The following FOXRED1 variants were observed in gnomAD, a reference collection of about 807,000 sequenced individuals.
The protein encoded by FOXRED1 is FAD dependent oxidoreductase domain containing 1.
FOXRED1 carries 52 observed loss-of-function variants against 57.8 expected under a neutral mutation model. The ratio of observed to expected loss-of-function variants is 0.90; its 90% CI spans 0.72 to 1.13. The LOEUF is 1.13. FOXRED1 is among the 50% of genes most tolerant of loss of function. The pLI is 0.00. For missense variants in FOXRED1, 589 were observed against 625.2 expected (o/e 0.94, Z 0.62); for synonymous variants, 271 against 248.3 (o/e 1.09, Z -0.86).
chr11:126,273,692 C>T lies in FOXRED1; in HGVS notation c.536+238C>T, dbSNP rs927409705. On this transcript the variant is annotated intron_variant, in intron 4 of 10. Transcript: ENST00000263578. This position sits in a 1 kb window ranked among gnomAD's most constrained non-coding sequence, Gnocchi z 5.9. ...GTCAGATCATGAAAACCACCTGGAA[C>T]ACATCCCAGACCTAATAAACCAGAA... The T allele has an allele frequency of 5.5e-6, 3 of 547,214 alleles. No homozygotes were observed. In the African/African-American group the frequency reaches 5.6e-5, roughly 10 times the overall value. The allele number at this position is 547,214 out of a possible 1,614,324, so 33.9% of individuals were successfully genotyped here. A position where few individuals can be genotyped will look rare whatever the true frequency, so the allele number is the denominator to read the frequency against.
At chr11:126,276,939 A>G (rs1951169091) in intron 9 of FOXRED1, 132 bp from the exon 10 acceptor site, 7 of 731,288 alleles carry the variant, frequency 9.6e-6, no homozygotes. Context: ...GTTAATTGAT[A>G]TTAGAGCCCC....
At position 126,275,568 on chromosome 11, in the gene FOXRED1, C is replaced by T. The variant is rs779893919; in HGVS notation, c.733+140C>T. On this transcript the variant is annotated intron_variant, in intron 6 of 10. Coordinates refer to ENST00000263578, the MANE Select transcript of FOXRED1 (RefSeq NM_017547.4). This position sits in a 1 kb window ranked among gnomAD's most constrained non-coding sequence, Gnocchi z 5.9. ...GGTCCTAGGCATCTTGACCTGGGCT[C>T]CTCACTGATCTGCGTTGTGACTTGT... 112 of 744,586 alleles carry T rather than the reference C, an allele frequency of 1.5e-4. No homozygotes were observed. The highest frequency in any genetic ancestry group is 2.5e-4 in the Non-Finnish European group (102 of 413,552). The allele number at this position is 744,586 out of a possible 1,614,324, so 46.1% of individuals were successfully genotyped here. A position where few individuals can be genotyped will look rare whatever the true frequency, so the allele number is the denominator to read the frequency against.
rs113860208 is a variant in FOXRED1, at chr11:126,271,011, G to A, written c.86-426G>A. On this transcript the variant is annotated intron_variant, in intron 1 of 10. Coordinates refer to ENST00000263578, the MANE Select transcript of FOXRED1 (RefSeq NM_017547.4). The surrounding 1 kb of genome is among the most constrained non-coding windows in gnomAD (Gnocchi z 5.3). ...GGATATAAATGTAGGTTTGGTGGTG[G>A]TGATGGATATCCAGGATAAGCATGG... 455 of 260,134 alleles carry A rather than the reference G, an allele frequency of 1.7e-3. 3 individuals are homozygous for A. The highest frequency in any genetic ancestry group is 9.7e-3 in the African/African-American group (435 of 44,644). The allele number at this position is 260,134 out of a possible 1,614,324, so 16.1% of individuals were successfully genotyped here.
chr11:126,271,329 G>C lies in FOXRED1; in HGVS notation c.86-108G>C, dbSNP rs1036176739. The C allele has an allele frequency of 2.3e-5, 19 of 815,146 alleles. No homozygotes were observed. Among genetic ancestry groups the C allele is most frequent in the Admixed American group, 2.2e-4 (12 of 54,968 alleles). 50.5% of individuals were successfully genotyped at this position (815,146 alleles called of 1,614,324 possible). ...ATGAGATGGGCTGACAGTGGGGACT[G>C]CCAACTCATGTGTCTGTTTAGCTCA... is the stretch of plus-strand genomic sequence containing the variant. On this transcript the variant is annotated intron_variant, in intron 1 of 10. Coordinates refer to ENST00000263578, the MANE Select transcript of FOXRED1 (RefSeq NM_017547.4). The surrounding 1 kb of genome is among the most constrained non-coding windows in gnomAD (Gnocchi z 5.3).
Position 126,271,611 on chromosome 11 carries a change from G to C in FOXRED1, c.260G>C (p.Ser87Thr), listed in dbSNP as rs1565352060. 1.2e-6 allele frequency: 2 copies of C among 1,614,208 alleles called. No individual in the cohort carries two copies. Among genetic ancestry groups the C allele is most frequent in the African/African-American group, 1.3e-5 (1 of 75,054 alleles). Reference sequence around the variant, plus strand: ...GCCTATTGGCTGAAGAAGCTGGAGAGCAGACGAGGTGCTATTCGAGTGCTA... The same window carrying C: ...GCCTATTGGCTGAAGAAGCTGGAGACCAGACGAGGTGCTATTCGAGTGCTA... ...SVAYWLKKLE[S>T]RRGAIRVLVV... Residue 87 changes from serine (S) to threonine (T), a missense_variant, in exon 2 of 11, where the codon AGC becomes ACC. Transcript: ENST00000263578. This position sits in a 1 kb window ranked among gnomAD's most constrained non-coding sequence, Gnocchi z 5.3.
rs374675193 is a variant in FOXRED1 at position 126,269,157 on chromosome 11, A to G, written c.-50A>G. On this transcript the variant is annotated 5_prime_UTR_variant, in exon 1 of 11. It adds an upstream start codon to the 5' untranslated region. Coordinates refer to ENST00000263578, the MANE Select transcript of FOXRED1 (RefSeq NM_017547.4). The stretch of plus-strand genomic sequence containing the variant: ...GGCGCGGAGCAGTGACGGCTGCGAT[A>G]ATAGCGAGGCAGCAGTGCAGCTTTC... 3.0e-5 allele frequency: 43 copies of G among 1,409,934 alleles called. No homozygotes were observed. The African/African-American group carries it at 4.3e-4, about 14-fold the overall frequency. The allele number at this position is 1,409,934 out of a possible 1,614,324, so 87.3% of individuals were successfully genotyped here.
chr11:126,275,083 A>T lies in FOXRED1; in HGVS notation c.631+62A>T. 8.8e-7 allele frequency: 1 copy of T among 1,134,064 alleles called. No individual in the cohort carries two copies. The highest frequency in any genetic ancestry group is 1.3e-6 in the Non-Finnish European group (1 of 744,196). The allele number at this position is 1,134,064 out of a possible 1,614,324, so 70.3% of individuals were successfully genotyped here. A position where few individuals can be genotyped will look rare whatever the true frequency, so the allele number is the denominator to read the frequency against. On this transcript the variant is annotated intron_variant, in intron 5 of 10. Coordinates refer to ENST00000263578, the MANE Select transcript of FOXRED1 (RefSeq NM_017547.4). This position sits in a 1 kb window ranked among gnomAD's most constrained non-coding sequence, Gnocchi z 5.9. The stretch of plus-strand genomic sequence containing the variant: ...GAAGATGGAGACTAAGGGGTGCTAC[A>T]CGTTGGGAGTCTCGGTACTCCACAG...
Position 126,277,648 on chromosome 11 carries a change from T to C in FOXRED1, c.1420T>C (p.Phe474Leu), listed in dbSNP as rs759921429. Residue 474 changes from phenylalanine to leucine, a missense_variant, in exon 11 of 11, where the codon TTT becomes CTT. Phe to Leu is a conservative substitution (Grantham distance 22). Coordinates refer to ENST00000263578, the MANE Select transcript of FOXRED1 (RefSeq NM_017547.4). This position sits in a 1 kb window ranked among gnomAD's most constrained non-coding sequence, Gnocchi z 6.8. ...IDLSPFLFTR[F>L]YLGEKIQENN... ...CCTGAGCCCCTTCCTCTTTACCCGC[T>C]TTTACTTGGGAGAGAAGATCCAGGA... The C allele has an allele frequency of 6.2e-6, 10 of 1,613,570 alleles. No homozygotes were observed. The Admixed American group carries it at 1.7e-4, about 27-fold the overall frequency.
Position 126,269,306 on chromosome 11 carries a change from G to T in FOXRED1, c.85+15G>T, listed in dbSNP as rs745956160. The T allele has an allele frequency of 3.1e-6, 5 of 1,613,948 alleles. No homozygotes were observed. In the Admixed American group the frequency reaches 6.7e-5, roughly 22 times the overall value. ...CTTTTCTCTGGGTAAAGTTGAGGAC[G>T]ACAGAGGGTATTGTGGTTCTGGGTT... On this transcript the variant is annotated intron_variant, in intron 1 of 10. Transcript: ENST00000263578.
chr11:126,269,668 G>A (rs1950921485), intron 1 of FOXRED1, among the ~76,000 whole-genome samples: 1 of 152,114 alleles, frequency 6.6e-6, no homozygotes, highest in Non-Finnish European at 1.5e-5. Context: ...TACCTAGAGA[G>A]GGAAAATTTC....
At position 126,275,711 on chromosome 11, in the gene FOXRED1, T is replaced by G; in HGVS notation, c.734-83T>G. On this transcript the variant is annotated intron_variant, in intron 6 of 10. Coordinates refer to ENST00000263578, the MANE Select transcript of FOXRED1 (RefSeq NM_017547.4). The surrounding 1 kb of genome is among the most constrained non-coding windows in gnomAD (Gnocchi z 5.9). ...GGGAAAGCTCCCATCCTTCCAGCTT[T>G]CTTTCCTTAAGAAACCAGTGAAATC... 1.0e-6 allele frequency: 1 copy of G among 990,074 alleles called. No individual in the cohort carries two copies. Among genetic ancestry groups the G allele is most frequent in the Non-Finnish European group, 1.6e-6 (1 of 624,774 alleles). 61.3% of individuals were successfully genotyped at this position (990,074 alleles called of 1,614,324 possible). A position where few individuals can be genotyped will look rare whatever the true frequency, so the allele number is the denominator to read the frequency against.
rs1182975734 is a variant in FOXRED1, at chr11:126,271,873, C to T, written c.306+216C>T. 3 of 568,276 alleles carry T rather than the reference C, an allele frequency of 5.3e-6. No homozygotes were observed. The highest frequency in any genetic ancestry group is 9.6e-6 in the Non-Finnish European group (3 of 313,680). 35.2% of individuals were successfully genotyped at this position (568,276 alleles called of 1,614,324 possible). On this transcript the variant is annotated intron_variant, in intron 2 of 10. Coordinates refer to ENST00000263578, the MANE Select transcript of FOXRED1 (RefSeq NM_017547.4). This position sits in a 1 kb window ranked among gnomAD's most constrained non-coding sequence, Gnocchi z 5.3. ...GCAATAAGGTTTGTTCTTTTGAAAG[C>T]AGATATCACCATATTGGATTTTTCG...
Position 126,277,612 on chromosome 11 carries a change from C to T in FOXRED1, c.1384C>T (p.Gln462Ter), listed in dbSNP as rs747103848. 7 of 1,613,644 alleles carry T rather than the reference C, an allele frequency of 4.3e-6. No homozygotes were observed. The highest frequency in any genetic ancestry group is 4.5e-5 in the East Asian group (2 of 44,898). ...VAEMVLKGRF[Q>*]TIDLSPFLFT... Reference sequence around the variant, plus strand: ...AGAGATGGTACTGAAGGGCAGGTTCCAGACCATCGACCTGAGCCCCTTCCT... The same window carrying T: ...AGAGATGGTACTGAAGGGCAGGTTCTAGACCATCGACCTGAGCCCCTTCCT... The change falls in exon 11 of 11, where the codon CAG (glutamine) becomes TAG (stop). Residue 462 changes from glutamine to a stop codon, truncating the protein, a stop_gained. Transcript: ENST00000263578. LOFTEE classifies it high-confidence loss of function. The surrounding 1 kb of genome is among the most constrained non-coding windows in gnomAD (Gnocchi z 6.8).
chr11:126,274,569 A>G lies in FOXRED1; in HGVS notation c.537-358A>G. 1 of 320,534 alleles carries G rather than the reference A, an allele frequency of 3.1e-6. No homozygotes were observed. The highest frequency in any genetic ancestry group is 4.0e-5 in the Admixed American group (1 of 24,752). The allele number at this position is 320,534 out of a possible 1,614,324, so 19.9% of individuals were successfully genotyped here. A position where few individuals can be genotyped will look rare whatever the true frequency, so the allele number is the denominator to read the frequency against. On this transcript the variant is annotated intron_variant, in intron 4 of 10. Coordinates refer to ENST00000263578, the MANE Select transcript of FOXRED1 (RefSeq NM_017547.4). This position sits in a 1 kb window ranked among gnomAD's most constrained non-coding sequence, Gnocchi z 4.8. ...AGGCTGAAGCAGGAGAATCGCTTGA[A>G]CCCGGGAGGAGGAGGTTGCAGTGAG... is the stretch of plus-strand genomic sequence containing the variant.
intron 9 of FOXRED1, 165 bp from the exon 10 acceptor site, chr11:126,276,905 CT>C: frequency 1.6e-6 from 1 of 640,482 alleles, no homozygotes; most frequent in Non-Finnish European, 2.8e-6. Context: ...AAGAATCAGC[CT>C]TTTTTGGGGG....
Position 126,277,072 on chromosome 11 carries a change from A to G in FOXRED1, c.1103A>G (p.Gln368Arg), listed in dbSNP as rs748879011. 1 of 1,603,946 alleles carries G rather than the reference A, an allele frequency of 6.2e-7. No individual in the cohort carries two copies. Among genetic ancestry groups the G allele is most frequent in the South Asian group, 1.1e-5 (1 of 90,878 alleles). The change falls in exon 10 of 11, where the codon CAG (glutamine) becomes CGG (arginine). Residue 368 changes from glutamine (Q) to arginine (R), a missense_variant and splice_region_variant. Transcript: ENST00000263578. The surrounding 1 kb of genome is among the most constrained non-coding windows in gnomAD (Gnocchi z 6.8). The stretch of plus-strand genomic sequence containing the variant: ...CGTTGTCCCCACCTCTCACTCCAGC[A>G]GGAAGAACCGGACCCGGCGAACCTG... Reference protein sequence around the residue: ...NYLGGRSPTEQEEPDPANLEV... With the variant: ...NYLGGRSPTEREEPDPANLEV...
At position 126,277,721 on chromosome 11, in the gene FOXRED1, T is replaced by C. The variant is rs1407908669; in HGVS notation, c.*32T>C. On this transcript the variant is annotated 3_prime_UTR_variant, in exon 11 of 11. Coordinates refer to ENST00000263578, the MANE Select transcript of FOXRED1 (RefSeq NM_017547.4). The surrounding 1 kb of genome is among the most constrained non-coding windows in gnomAD (Gnocchi z 6.8). ...GTGCTCTGCACTGGCTCCACTGGCTTGCATCCTGGCTGTGTTCACAGCCTT... is the reference window on the plus strand; with the variant it reads ...GTGCTCTGCACTGGCTCCACTGGCTCGCATCCTGGCTGTGTTCACAGCCTT... The C allele has an allele frequency of 1.2e-6, 2 of 1,611,694 alleles. No individual in the cohort carries two copies. Among genetic ancestry groups the C allele is most frequent in the South Asian group, 1.1e-5 (1 of 91,056 alleles).
chr11:126,277,217 TG>T lies in FOXRED1; in HGVS notation c.1206+44del. 2 of 1,369,676 alleles carry T rather than the reference TG, an allele frequency of 1.5e-6. No individual in the cohort carries two copies. Among genetic ancestry groups the T allele is most frequent in the Non-Finnish European group, 2.1e-6 (2 of 958,020 alleles). 84.8% of individuals were successfully genotyped at this position (1,369,676 alleles called of 1,614,324 possible). On this transcript the variant is annotated intron_variant, in intron 10 of 10. Coordinates refer to ENST00000263578, the MANE Select transcript of FOXRED1 (RefSeq NM_017547.4). This position sits in a 1 kb window ranked among gnomAD's most constrained non-coding sequence, Gnocchi z 6.8. ...GGTTTTCCTTTTTATTTTTGGACAT[TG>T]GATGGGACAGATGACAGTGGAGCAC...
rs552445521 is a variant in FOXRED1, at chr11:126,277,306, T to G, written c.1207-129T>G. 2.8e-4 allele frequency: 372 copies of G among 1,308,428 alleles called. 2 individuals carry two copies. In the African/African-American group the frequency reaches 5.0e-3, roughly 17 times the overall value. The allele number at this position is 1,308,428 out of a possible 1,614,324, so 81.1% of individuals were successfully genotyped here. On this transcript the variant is annotated intron_variant, in intron 10 of 10. Coordinates refer to ENST00000263578, the MANE Select transcript of FOXRED1 (RefSeq NM_017547.4). The surrounding 1 kb of genome is among the most constrained non-coding windows in gnomAD (Gnocchi z 6.8). Reference sequence around the variant, plus strand: ...CATGTCACAACTGCTAAGGAATTTCTTGGACACATCCCATCCCATAGACCC... The same window carrying G: ...CATGTCACAACTGCTAAGGAATTTCGTGGACACATCCCATCCCATAGACCC...
Sources: gnomAD v4.1 joint callset for allele counts (sites outside exome capture counted in the v4.1 genomes callset) on GRCh38, gnomAD v4.1.1 for gene constraint, Gnocchi (gnomAD v3.1) non-coding constraint, MANE v1.5 for transcripts, NCBI Gene and HGNC (gene_info 2026-07-23, HGNC 2026-07-21) for gene names.